Variants in ATP5IF1 observed in about 807,000 individuals in gnomAD.
The protein encoded by ATP5IF1 is ATP synthase inhibitory factor subunit 1.
Under a neutral mutation model 8.5 loss-of-function variants are expected in ATP5IF1, and 12 were observed. The ratio of observed to expected loss-of-function variants is 1.41; its 90% CI spans 0.90 to 2.28. The LOEUF is 2.28. Ranked by LOEUF, ATP5IF1 falls within the 30% of genes most tolerant of loss-of-function variation. The pLI is 0.00. For synonymous variants in ATP5IF1, 51 were observed against 53.4 expected (o/e 0.96, Z 0.19); for missense variants, 154 against 140.2 (o/e 1.10, Z -0.50).
chr1:28,237,151 G>A, intron 2 of ATP5IF1: 1 of 991,944 alleles, frequency 1.0e-6, no homozygotes, highest in Non-Finnish European at 1.2e-6. Flanking sequence ...GAGCAGTGAG[G>A]AATTAATCTT....
At chr1:28,236,619 G>A in intron 2 of ATP5IF1, 167 bp downstream of exon 2, 1 of 1,526,746 alleles carries the variant, frequency 6.5e-7, no homozygotes, top group Admixed American at 2.0e-5. Context: ...TGTCCCGACC[G>A]TTGCCACGTA....
In ATP5IF1 at chr1:28,237,892, G is replaced by C. The variant is rs758401235; in HGVS notation, c.235G>C (p.Val79Leu). 6.2e-7 allele frequency: 1 copy of C among 1,614,072 alleles called. No homozygotes were observed. The highest frequency in any genetic ancestry group is 1.1e-5 in the South Asian group (1 of 91,086). The part of the protein sequence containing the change: ...ALKKHHEEEI[V>L]HHKKEIERLQ... ...GAAAAAACACCATGAAGAAGAAATCGTTCATCATAAGAAGGAGATTGAGCG... is the reference window on the plus strand; with the variant it reads ...GAAAAAACACCATGAAGAAGAAATCCTTCATCATAAGAAGGAGATTGAGCG... Residue 79 changes from valine (V) to leucine (L), a missense_variant, in exon 3 of 3, where the codon GTT (valine) becomes CTT (leucine). By Grantham distance (32) the Val-to-Leu change is conservative. Coordinates refer to ENST00000335514, the MANE Select transcript of ATP5IF1 (RefSeq NM_016311.5).
Position 28,237,976 on chromosome 1 carries a change from T to G in ATP5IF1, c.319T>G (p.Ter107GluextTer23), listed in dbSNP as rs1338885433. 2 of 1,609,500 alleles carry G rather than the reference T, an allele frequency of 1.2e-6. No homozygotes were observed. The highest frequency in any genetic ancestry group is 1.7e-6 in the Non-Finnish European group (2 of 1,179,730). The stretch of plus-strand genomic sequence containing the variant: ...GATCAAAATGCTAAAACATGATGAT[T>G]AAGTGCACACCGTGTGCCATAGAAT... Reference protein sequence around the residue: ...QKIKMLKHDD* With the variant: ...QKIKMLKHDDE The change falls in exon 3 of 3, where the codon TAA becomes GAA. Residue 107 changes from the stop codon to glutamate (E), a stop_lost. Coordinates refer to ENST00000335514, the MANE Select transcript of ATP5IF1 (RefSeq NM_016311.5).
At position 28,236,423 on chromosome 1, in the gene ATP5IF1, A is replaced by C. The variant is rs1572077703; in HGVS notation, c.150A>C (p.Arg50Ser). ...IREAGGAFGK[R>S]EQAEEERYFR... ...AAGCCGGTGGGGCCTTCGGAAAGAG[A>C]GAGCAGGCTGAAGAGGAACGATATT... The change falls in exon 2 of 3, where the codon AGA becomes AGC. Residue 50 changes from arginine (R) to serine (S), a missense_variant. By Grantham distance (110) the Arg-to-Ser change is moderately radical. Coordinates refer to ENST00000335514, the MANE Select transcript of ATP5IF1 (RefSeq NM_016311.5). 6.2e-7 allele frequency: 1 copy of C among 1,614,174 alleles called. No homozygotes were observed. Among genetic ancestry groups the C allele is most frequent in the East Asian group, 2.2e-5 (1 of 44,876 alleles).
chr1:28,236,873 C>T (rs914305394), intron 2 of ATP5IF1: 59 of 1,132,940 alleles, frequency 5.2e-5, no homozygotes, highest in Non-Finnish European at 6.0e-5. Context: ...TCTACGCTCT[C>T]CTTCCTCGCC....
Position 28,237,915 on chromosome 1 carries a change from G to A in ATP5IF1, c.258G>A (p.Glu86=). 1.2e-6 allele frequency: 2 copies of A among 1,614,058 alleles called. No individual in the cohort carries two copies. The highest frequency in any genetic ancestry group is 1.7e-6 in the Non-Finnish European group (2 of 1,180,042). ...EEIVHHKKEI[E]RLQKEIERHK... ...TCGTTCATCATAAGAAGGAGATTGA[G>A]CGTCTGCAGAAAGAAATTGAGCGCC... Residue 86 remains glutamate (E), a synonymous_variant, in exon 3 of 3, where the codon GAG becomes GAA. Transcript: ENST00000335514.
At chr1:28,237,608 A>G (rs1048829751) in intron 2 of ATP5IF1, 30 of 1,461,370 alleles carry the variant, frequency 2.1e-5, no homozygotes, top group East Asian at 1.5e-4. Context: ...GGAGTTTTCT[A>G]TTTTAAAGAG....
Position 28,237,988 on chromosome 1 carries a change from G to T in ATP5IF1, c.*10G>T. The T allele has an allele frequency of 6.2e-7, 1 of 1,604,604 alleles. No homozygotes were observed. Among genetic ancestry groups the T allele is most frequent in the Non-Finnish European group, 8.5e-7 (1 of 1,178,160 alleles). ...AAAACATGATGATTAAGTGCACACC[G>T]TGTGCCATAGAATGGCACATGTCAT... On this transcript the variant is annotated 3_prime_UTR_variant, in exon 3 of 3. Coordinates refer to ENST00000335514, the MANE Select transcript of ATP5IF1 (RefSeq NM_016311.5).
Position 28,238,066 on chromosome 1 carries a change from C to A in ATP5IF1, c.*88C>A. 1 of 1,294,714 alleles carries A rather than the reference C, an allele frequency of 7.7e-7. No homozygotes were observed. The highest frequency in any genetic ancestry group is 1.1e-6 in the Non-Finnish European group (1 of 942,020). The allele number at this position is 1,294,714 out of a possible 1,614,324, so 80.2% of individuals were successfully genotyped here. ...GGTTTAACTAATATTTGTCTGTGTG[C>A]TACTAACAGATTATAATAAATTGTC... On this transcript the variant is annotated 3_prime_UTR_variant, in exon 3 of 3. Transcript: ENST00000335514.
Position 28,237,877 on chromosome 1 carries a change from CATG to C in ATP5IF1, c.222_224del (p.His74_Glu75delinsGln). On this transcript the variant is annotated inframe_deletion, in exon 3 of 3. Transcript: ENST00000335514. ...ACAACTGGCAGCTTTGAAAAAACAC[CATG>C]AAGAAGAAATCGTTCATCATAAGAA... 2 of 1,614,074 alleles carry C rather than the reference CATG, an allele frequency of 1.2e-6. No individual in the cohort carries two copies. The highest frequency in any genetic ancestry group is 1.7e-6 in the Non-Finnish European group (2 of 1,180,006).
rs374348517 is a variant in ATP5IF1 at position 28,236,364 on chromosome 1, G to C, written c.91G>C (p.Glu31Gln). Residue 31 changes from glutamate (E) to glutamine (Q), a missense_variant, in exon 2 of 3, where the codon GAG (glutamate) becomes CAG (glutamine). Transcript: ENST00000335514. ...QARGFGSDQS[E>Q]NVDRGAGSIR... ...CAGTGTCCCTGTCTCTCTGCAGTCC[G>C]AGAATGTCGACCGGGGCGCGGGCTC... The C allele has an allele frequency of 1.1e-5, 17 of 1,614,124 alleles. No individual in the cohort carries two copies. Among genetic ancestry groups the C allele is most frequent in the Non-Finnish European group, 1.4e-5 (16 of 1,180,044 alleles).
Position 28,238,015 on chromosome 1 carries a change from G to A in ATP5IF1, c.*37G>A. The A allele has an allele frequency of 6.3e-7, 1 of 1,581,626 alleles. No individual in the cohort carries two copies. The highest frequency in any genetic ancestry group is 8.6e-7 in the Non-Finnish European group (1 of 1,164,830). Reference sequence around the variant, plus strand: ...GTGCCATAGAATGGCACATGTCATTGCCCACTTCTGTGTAGACATGGTTCT... The same window carrying A: ...GTGCCATAGAATGGCACATGTCATTACCCACTTCTGTGTAGACATGGTTCT... On this transcript the variant is annotated 3_prime_UTR_variant, in exon 3 of 3. Coordinates refer to ENST00000335514, the MANE Select transcript of ATP5IF1 (RefSeq NM_016311.5).
Position 28,236,880 on chromosome 1 carries a change from C to T in ATP5IF1, c.179+428C>T, listed in dbSNP as rs117855698. On this transcript the variant is annotated intron_variant, in intron 2 of 2. Transcript: ENST00000335514. The stretch of plus-strand genomic sequence containing the variant: ...TCACCCCCTCTACGCTCTCCTTCCT[C>T]GCCAGCACGCCTTAGCTTTGCAAGC... 1.4e-3 allele frequency: 1,579 copies of T among 1,126,610 alleles called. 42 individuals carry two copies. In the East Asian group the frequency reaches 0.07, roughly 50 times the overall value. 69.8% of individuals were successfully genotyped at this position (1,126,610 alleles called of 1,614,324 possible).
intron 2 of ATP5IF1, chr1:28,236,961 G>A: frequency 9.5e-7 from 1 of 1,055,962 alleles, no homozygotes; most frequent in South Asian, 3.0e-5. Flanking sequence ...GCAAGAGTGA[G>A]GATGATGGGA....
intron 2 of ATP5IF1, 143 bp downstream of exon 2, chr1:28,236,595 AC>A: frequency 6.5e-7 from 1 of 1,538,500 alleles, no homozygotes; most frequent in East Asian, 2.4e-5. Context: ...AATCCAGTAT[AC>A]CCTAACCCTT....
chr1:28,237,112 A>G, intron 2 of ATP5IF1: 1 of 993,768 alleles, frequency 1.0e-6, no homozygotes, highest in Non-Finnish European at 1.2e-6. Flanking sequence ...GCCTTGAGTT[A>G]TCTTTAACTG....
At chr1:28,236,658 G>C in intron 2 of ATP5IF1, 1 of 1,475,164 alleles carries the variant, frequency 6.8e-7, no homozygotes, top group Non-Finnish European at 9.0e-7. Flanking sequence ...CTGCACAACA[G>C]TTTCAGGCCC....
chr1:28,237,662 C>T, intron 2 of ATP5IF1, 175 bp from the exon 3 acceptor site: 1 of 1,548,330 alleles, frequency 6.5e-7, no homozygotes, highest in Admixed American at 2.1e-5. Flanking sequence ...AAGATGGCTA[C>T]ACCTCAATTT....
intron 2 of ATP5IF1, 184 bp downstream of exon 2, chr1:28,236,636 A>C (rs934391202): frequency 3.2e-5 from 48 of 1,503,662 alleles, no homozygotes; most frequent in Middle Eastern, 2.3e-4. Flanking sequence ...CGTATAGGGC[A>C]CTCCCAGTTA....
Sources: gnomAD v4.1 joint callset for allele counts on GRCh38, gnomAD v4.1.1 for gene constraint, MANE v1.5 for transcripts, NCBI Gene and HGNC (gene_info 2026-07-23, HGNC 2026-07-21) for gene names.